The following PXMP2 variants were observed in gnomAD, a reference collection of about 807,000 sequenced individuals.
PXMP2 encodes 22 kDa peroxisomal membrane protein.
A neutral mutation model predicts 20.2 loss-of-function variants in PXMP2; 13 were observed. That is an observed-to-expected ratio of 0.64 (90% confidence interval 0.42 to 1.02). PXMP2 has a LOEUF of 1.02. Among genes scored for constraint, PXMP2 ranks in the 50% least tolerant of loss-of-function variants. PXMP2 has a pLI of 0.00. For synonymous variants in PXMP2, 113 were observed against 111.2 expected, an observed-to-expected ratio of 1.02 and a Z score of -0.10; for missense variants, 284 against 251.8, an observed-to-expected ratio of 1.13 and a Z score of -0.87.
At chr12:132,704,071 CG>C (rs2043456940) in intron 4 of PXMP2, among the ~76,000 whole-genome samples, 1 of 152,124 alleles carries the variant, frequency 6.6e-6, no homozygotes, top group Admixed American at 6.5e-5. Flanking sequence ...CTGCTAGACT[CG>C]GAGACGCGGC....
Position 132,687,790 on chromosome 12 carries a change from C to T in PXMP2, c.120C>T (p.Thr40=). 5.2e-6 allele frequency: 6 copies of T among 1,161,368 alleles called. No homozygotes were observed. The highest frequency in any genetic ancestry group is 4.2e-5 in the East Asian group (1 of 23,816). 71.9% of individuals were successfully genotyped at this position (1,161,368 alleles called of 1,614,324 possible). A position where few individuals can be genotyped will look rare whatever the true frequency, so the allele number is the denominator to read the frequency against. Residue 40 remains threonine (T), a splice_region_variant and synonymous_variant, in exon 1 of 5, where the codon ACC becomes ACT. Coordinates refer to ENST00000317479, the MANE Select transcript of PXMP2 (RefSeq NM_018663.3). ...RLYPVLTKAA[T]SGILSALGNF... Reference sequence around the variant, plus strand: ...ACCCGGTGCTCACCAAGGCGGCCACCAGGTGAGCGGGGGCGCGGGAATCGG... The same window carrying T: ...ACCCGGTGCTCACCAAGGCGGCCACTAGGTGAGCGGGGGCGCGGGAATCGG...
Position 132,691,283 on chromosome 12 carries a change from C to T in PXMP2, c.236+907C>T, listed in dbSNP as rs1192512456. 3.3e-5 allele frequency among the ~76,000 whole-genome samples: 5 copies of T among 151,640 alleles called. No homozygotes were observed. In the East Asian group the frequency reaches 7.9e-4, roughly 24 times the overall value. The stretch of plus-strand genomic sequence containing the variant: ...CAGGATGGTCTGGATCTCCTGACCT[C>T]GTGATCCGCCCACCTTGGCCTCCCA... On this transcript the variant is annotated intron_variant, in intron 2 of 4. Transcript: ENST00000317479.
chr12:132,687,659 G>C lies in PXMP2; in HGVS notation c.-12G>C. ...GGGTCGGTGCCCCCGGCGGCACGGCGCTGGGGAGGCGATGGCGCCGGCCGC... is the reference window on the plus strand; with the variant it reads ...GGGTCGGTGCCCCCGGCGGCACGGCCCTGGGGAGGCGATGGCGCCGGCCGC... On this transcript the variant is annotated 5_prime_UTR_variant, in exon 1 of 5. Transcript: ENST00000317479. 2 of 1,167,326 alleles carry C rather than the reference G, an allele frequency of 1.7e-6. No individual in the cohort carries two copies. The highest frequency in any genetic ancestry group is 2.1e-6 in the Non-Finnish European group (2 of 950,340). 72.3% of individuals were successfully genotyped at this position (1,167,326 alleles called of 1,614,324 possible).
At chr12:132,701,404 A>T in intron 4 of PXMP2, 35 bp downstream of exon 4, 1 of 1,606,792 alleles carries the variant, frequency 6.2e-7, no homozygotes, top group Non-Finnish European at 8.5e-7. Flanking sequence ...TGCTAACATT[A>T]CTTTGTCAGC....
chr12:132,702,026 G>T (rs958295583), intron 4 of PXMP2, among the ~76,000 whole-genome samples: 24 of 152,244 alleles, frequency 1.6e-4, no homozygotes, highest in African/African-American at 5.5e-4. Flanking sequence ...GGAGACGGAG[G>T]TTGGAGTGAG....
intron 2 of PXMP2, among the ~76,000 whole-genome samples, chr12:132,693,577 C>CAGTT (rs551891585): frequency 2.8e-5 from 2 of 71,608 alleles, no homozygotes; most frequent in African/African-American, 5.0e-5. Context: ...GCGCCCTTGC[C>CAGTT]AGTTAGTGAG....
chr12:132,695,965 G>T lies in PXMP2; in HGVS notation c.318G>T (p.Gly106=). The T allele has an allele frequency of 6.2e-7, 1 of 1,612,562 alleles. No individual in the cohort carries two copies. The highest frequency in any genetic ancestry group is 8.5e-7 in the Non-Finnish European group (1 of 1,179,296). ...HWIPPEVPLA[G]LRRLLLDRLV... ...TCCCTCCTGAGGTCCCCCTGGCAGG[G>T]CTCAGGAGGCTTCTCCTGGACCGCC... The change falls in exon 3 of 5, where the codon GGG becomes GGT. Residue 106 remains glycine (G), a synonymous_variant. Coordinates refer to ENST00000317479, the MANE Select transcript of PXMP2 (RefSeq NM_018663.3).
In PXMP2 at chr12:132,704,768, G is replaced by C; in HGVS notation, c.*81G>C. On this transcript the variant is annotated 3_prime_UTR_variant, in exon 5 of 5. Transcript: ENST00000317479. ...GCCCAGCGAGAGCAGAACCAATCCA[G>C]TCAGGATGTCACTGACTCTAAATCA... 7.6e-7 allele frequency: 1 copy of C among 1,322,836 alleles called. No individual in the cohort carries two copies. Among genetic ancestry groups the C allele is most frequent in the Non-Finnish European group, 1.1e-6 (1 of 920,600 alleles). 81.9% of individuals were successfully genotyped at this position (1,322,836 alleles called of 1,614,324 possible). A position where few individuals can be genotyped will look rare whatever the true frequency, so the allele number is the denominator to read the frequency against.
rs2136069750 is a variant in PXMP2, at chr12:132,703,562, G to A, written c.520-1057G>A. On this transcript the variant is annotated intron_variant, in intron 4 of 4. Coordinates refer to ENST00000317479, the MANE Select transcript of PXMP2 (RefSeq NM_018663.3). Reference sequence around the variant, plus strand: ...GACAGCTGAGCGGACAGGAGAGTGGGACATCCTGCCTCAAGCCCCCACGTG... The same window carrying A: ...GACAGCTGAGCGGACAGGAGAGTGGAACATCCTGCCTCAAGCCCCCACGTG... Among the ~76,000 whole-genome samples the A allele has an allele frequency of 2.0e-5, 3 of 152,316 alleles. No individual in the cohort carries two copies. In the Middle Eastern group the frequency reaches 0.01, roughly 518 times the overall value.
intron 1 of PXMP2, among the ~76,000 whole-genome samples, chr12:132,689,269 G>T: frequency 6.6e-6 from 1 of 151,962 alleles, no homozygotes; most frequent in Non-Finnish European, 1.5e-5. Context: ...TGGAGACAGG[G>T]CCAAGGGAGC....
intron 2 of PXMP2, among the ~76,000 whole-genome samples, chr12:132,694,763 A>AGTTT (rs1565991530): frequency 8.2e-6 from 1 of 122,496 alleles, no homozygotes; most frequent in Non-Finnish European, 1.7e-5. Context: ...TTAGTCAGTT[A>AGTTT]GTGAGTGCCC....
chr12:132,701,241 CCTT>C lies in PXMP2; in HGVS notation c.400-8_400-6del. 6.2e-7 allele frequency: 1 copy of C among 1,613,760 alleles called. No individual in the cohort carries two copies. Among genetic ancestry groups the C allele is most frequent in the Non-Finnish European group, 8.5e-7 (1 of 1,179,992 alleles). ...AGACTGTTCACCACCCGCCTTCCCT[CCTT>C]TGCAGGGGAAAGACGCCTCAGCCTT... is the stretch of plus-strand genomic sequence containing the variant. On this transcript the variant is annotated splice_polypyrimidine_tract_variant and splice_region_variant and intron_variant, in intron 3 of 4. Transcript: ENST00000317479.
intron 3 of PXMP2, among the ~76,000 whole-genome samples, chr12:132,698,794 T>A (rs2043423598): frequency 6.6e-6 from 1 of 152,078 alleles, no homozygotes; most frequent in African/African-American, 2.4e-5. Flanking sequence ...GCCTGGCTAA[T>A]TTTTGTATTT....
intron 1 of PXMP2, 34 bp downstream of exon 1, chr12:132,687,826 G>C (rs1220007065): frequency 1.8e-6 from 2 of 1,129,692 alleles, no homozygotes; most frequent in Non-Finnish European, 2.2e-6. Flanking sequence ...ACGCCGCCCC[G>C]GCCCCAGGTC....
intron 3 of PXMP2, among the ~76,000 whole-genome samples, chr12:132,700,674 G>A (rs553773665): frequency 1.1e-4 from 17 of 152,074 alleles, no homozygotes; most frequent in African/African-American, 2.7e-4. Flanking sequence ...TTTGTTTAAT[G>A]AAGTCCTGTT....
At chr12:132,691,905 C>T (rs1174225718) in intron 2 of PXMP2, among the ~76,000 whole-genome samples, 1 of 152,272 alleles carries the variant, frequency 6.6e-6, no homozygotes, top group Non-Finnish European at 1.5e-5. Context: ...CCCAAACACA[C>T]AGGGGAATGA....
intron 2 of PXMP2, among the ~76,000 whole-genome samples, chr12:132,694,721 G>T: frequency 1.8e-5 from 2 of 109,604 alleles, no homozygotes; most frequent in Non-Finnish European, 3.7e-5. Flanking sequence ...GCCAGTTAGT[G>T]AGCTCCCTTG....
intron 3 of PXMP2, among the ~76,000 whole-genome samples, chr12:132,700,618 G>C (rs1310599802): frequency 1.3e-5 from 2 of 152,060 alleles, no homozygotes; most frequent in Non-Finnish European, 2.9e-5. Flanking sequence ...TTTTTCCCAG[G>C]CTGTAGACTG....
Position 132,699,833 on chromosome 12 carries a change from C to T in PXMP2, c.400-1417C>T, listed in dbSNP as rs143912873. Among the ~76,000 whole-genome samples the T allele has an allele frequency of 2.2e-4, 34 of 152,170 alleles. No individual in the cohort carries two copies. In the East Asian group the frequency reaches 2.3e-3, roughly 10 times the overall value. On this transcript the variant is annotated intron_variant, in intron 3 of 4. Transcript: ENST00000317479. ...TGTGGATAGCGCTGTGATAAACACA[C>T]GAGGGCAGGGATTGTTTGATATGAT...
Sources: gnomAD v4.1 joint callset for allele counts (sites outside exome capture counted in the v4.1 genomes callset) on GRCh38, gnomAD v4.1.1 for gene constraint, MANE v1.5 for transcripts, NCBI Gene and HGNC (gene_info 2026-07-23, HGNC 2026-07-21) for gene names.